Variants in ANAPC11 observed in about 807,000 individuals in gnomAD.
The protein encoded by ANAPC11 is anaphase-promoting complex subunit 11.
ANAPC11 carries 5 observed loss-of-function variants against 11.8 expected under a neutral mutation model. The ratio of observed to expected loss-of-function variants is 0.42; its 90% CI spans 0.22 to 0.89. The LOEUF (loss-of-function observed/expected upper bound fraction) is 0.89, where lower values mean the gene tolerates loss of function less well. Ranked by LOEUF, ANAPC11 falls within the 40% of genes least tolerant of loss-of-function variation. ANAPC11 has a pLI of 0.28. For synonymous variants in ANAPC11, 45 were observed against 41.0 expected (o/e 1.10, Z -0.38); for missense variants, 68 against 112.9 (o/e 0.60, Z 1.80).
intron 3 of ANAPC11, among the ~76,000 whole-genome samples, chr17:81,895,117 C>A (rs145274135): frequency 7.0e-6 from 1 of 142,036 alleles, no homozygotes; most frequent in South Asian, 2.2e-4. Context: ...TGCAATGGCG[C>A]GATCTCGGCT....
In ANAPC11 at chr17:81,894,454, C is replaced by G. The variant is rs1392055648; in HGVS notation, c.-11-13C>G. 6.4e-7 allele frequency: 1 copy of G among 1,550,836 alleles called. No homozygotes were observed. The highest frequency in any genetic ancestry group is 8.9e-7 in the Non-Finnish European group (1 of 1,124,670). The stretch of plus-strand genomic sequence containing the variant: ...ACTCAATTTAGCCAGTCGTCCTGTT[C>G]CCTCCGCCGCAGGCTCTGCTGCCAT... On this transcript the variant is annotated splice_polypyrimidine_tract_variant and intron_variant, in intron 2 of 3. Coordinates refer to ENST00000344877, the MANE Select transcript of ANAPC11 (RefSeq NM_001002248.3).
At chr17:81,891,377 G>T (rs1397067422), upstream of ANAPC11, 4 of 1,140,322 alleles carry the variant, frequency 3.5e-6, no homozygotes, top group Non-Finnish European at 4.3e-6. Context: ...CGCCGCGGGC[G>T]ATGGCCGGCC....
intron 3 of ANAPC11, among the ~76,000 whole-genome samples, chr17:81,896,279 G>A (rs1355430751): frequency 2.0e-5 from 3 of 152,000 alleles, no homozygotes; most frequent in South Asian, 4.1e-4. Flanking sequence ...AAAAGTAGCC[G>A]GGCATGGTGG....
At chr17:81,898,458 A>C (rs2039815807) in intron 3 of ANAPC11, 1 of 152,236 alleles carries the variant, frequency 6.6e-6, no homozygotes, top group South Asian at 2.1e-4. Context: ...CTTTGTTAAC[A>C]TGGGGCCTGT....
intron 3 of ANAPC11, chr17:81,899,332 C>T (rs778526122): frequency 1.1e-5 from 17 of 1,613,570 alleles, no homozygotes; most frequent in Non-Finnish European, 1.4e-5. Context: ...CCACAGGTGC[C>T]CATCAACACA....
chr17:81,892,604 C>G (rs1365973108), intron 1 of ANAPC11, among the ~76,000 whole-genome samples: 1 of 141,270 alleles, frequency 7.1e-6, no homozygotes, highest in African/African-American at 2.9e-5. Flanking sequence ...CTCACTGCAA[C>G]CTCTGCCTCC....
chr17:81,898,321 G>C (rs1005253955), intron 3 of ANAPC11: 9 of 152,256 alleles, frequency 5.9e-5, no homozygotes, highest in African/African-American at 2.2e-4. Context: ...CCAAGTGACT[G>C]CAGTGGTGGG....
chr17:81,894,251 A>T (rs1366269345), intron 2 of ANAPC11: 1 of 338,512 alleles, frequency 3.0e-6, no homozygotes, highest in African/African-American at 2.1e-5. Flanking sequence ...TGTCTCAAAA[A>T]AAAAAAATTA....
At chr17:81,896,781 C>G (rs1231995528) in intron 3 of ANAPC11, among the ~76,000 whole-genome samples, 1 of 147,312 alleles carries the variant, frequency 6.8e-6, no homozygotes, top group South Asian at 2.2e-4. Context: ...TACCACCACA[C>G]TCATCTGCCT....
intron 3 of ANAPC11, 24 bp from the exon 4 acceptor site, chr17:81,899,896 C>G (rs749235863): frequency 5.6e-6 from 9 of 1,600,832 alleles, no homozygotes; most frequent in Non-Finnish European, 7.7e-6. Context: ...CATGCCTGTC[C>G]TTTTCCCCAC....
chr17:81,896,885 T>G (rs780452179), intron 3 of ANAPC11, among the ~76,000 whole-genome samples: 1 of 127,128 alleles, frequency 7.9e-6, no homozygotes, highest in Non-Finnish European at 1.6e-5. Flanking sequence ...CCATCTCAGC[T>G]CACCGCAACC....
chr17:81,896,207 G>A (rs2039736476), intron 3 of ANAPC11, among the ~76,000 whole-genome samples: 2 of 152,142 alleles, frequency 1.3e-5, no homozygotes, highest in Admixed American at 1.3e-4. Flanking sequence ...GATCACCTGA[G>A]GTCAGGAGTT....
At position 81,900,185 on chromosome 17, in the gene ANAPC11, G is replaced by A. The variant is rs537786340; in HGVS notation, c.*120G>A. The A allele has an allele frequency of 2.7e-5, 39 of 1,457,318 alleles. No homozygotes were observed. The East Asian group carries it at 6.1e-4, about 23-fold the overall frequency. The allele number at this position is 1,457,318 out of a possible 1,614,324, so 90.3% of individuals were successfully genotyped here. On this transcript the variant is annotated 3_prime_UTR_variant, in exon 4 of 4. Transcript: ENST00000344877. ...AGGTGGAAACAAGGGCTGGAGCTGC[G>A]TTTGTTTTGCCATCACTATGTTGAC...
At chr17:81,896,058 C>T (rs1044223786) in intron 3 of ANAPC11, among the ~76,000 whole-genome samples, 8 of 152,220 alleles carry the variant, frequency 5.3e-5, no homozygotes, top group Non-Finnish European at 1.2e-4. Flanking sequence ...CCAAGGCAGG[C>T]GGATTGCTTC....
chr17:81,893,712 C>T (rs1175317837), intron 2 of ANAPC11, 98 bp downstream of exon 2: 1 of 150,598 alleles, frequency 6.6e-6, no homozygotes, highest in African/African-American at 2.4e-5. Flanking sequence ...TGTGCCCTTT[C>T]TCTAGATGGC....
chr17:81,899,688 C>T (rs2039873586), intron 3 of ANAPC11: 11 of 1,074,816 alleles, frequency 1.0e-5, no homozygotes, highest in South Asian at 3.3e-5. Flanking sequence ...GCGGTTGCCC[C>T]GGGTGGAGGC....
chr17:81,896,458 G>C (rs2039745433), intron 3 of ANAPC11, among the ~76,000 whole-genome samples: 1 of 152,158 alleles, frequency 6.6e-6, no homozygotes, highest in African/African-American at 2.4e-5. Flanking sequence ...GTTTGATTAT[G>C]TTTAGGTTGA....
At chr17:81,898,083 TTAATA>T (rs2039801979) in intron 3 of ANAPC11, 2 of 152,270 alleles carry the variant, frequency 1.3e-5, no homozygotes. Context: ...GCTAATTAGG[TTAATA>T]ACTAAATTCA....
chr17:81,899,906 C>T lies in ANAPC11; in HGVS notation c.110-14C>T. 1 of 1,603,946 alleles carries T rather than the reference C, an allele frequency of 6.2e-7. No homozygotes were observed. On this transcript the variant is annotated splice_polypyrimidine_tract_variant and intron_variant, in intron 3 of 3. Coordinates refer to ENST00000344877, the MANE Select transcript of ANAPC11 (RefSeq NM_001002248.3). ...CTGGTCATGCCTGTCCTTTTCCCCA[C>T]CTCCCCTCCGTAGGCAAGGTGCCCG...
Sources: gnomAD v4.1 joint callset for allele counts (sites outside exome capture counted in the v4.1 genomes callset) on GRCh38, gnomAD v4.1.1 for gene constraint, MANE v1.5 for transcripts, NCBI Gene and HGNC (gene_info 2026-07-23, HGNC 2026-07-21) for gene names.